Variants in CADM2 observed in about 807,000 individuals in gnomAD.
The protein encoded by CADM2 is cell adhesion molecule 2.
Under a neutral mutation model 49.8 loss-of-function variants are expected in CADM2, and 12 were observed. That is an observed-to-expected ratio of 0.24 (90% CI 0.15 to 0.39). The LOEUF (loss-of-function observed/expected upper bound fraction) is 0.39, where lower values mean the gene tolerates loss of function less well. Among genes scored for constraint, CADM2 ranks in the 10% least tolerant of loss-of-function variants. CADM2 has a pLI of 1.00. For missense variants in CADM2, 378 were observed against 492.3 expected (o/e 0.77, Z 2.20); for synonymous variants, 214 against 175.4 (o/e 1.22, Z -1.74).
At chr3:85,706,948 C>G (rs2066968776) in intron 1 of CADM2, among the ~76,000 whole-genome samples, 1 of 151,980 alleles carries the variant, frequency 6.6e-6, no homozygotes, top group Non-Finnish European at 1.5e-5. Flanking sequence ...TGTACCTATA[C>G]AAGTATAAGT....
At chr3:85,609,800 C>A (rs1255995052) in intron 1 of CADM2, among the ~76,000 whole-genome samples, 1 of 151,926 alleles carries the variant, frequency 6.6e-6, no homozygotes, top group Non-Finnish European at 1.5e-5. Flanking sequence ...AACTGAGGTT[C>A]TAAGTTCATA....
At chr3:85,090,620 C>T (rs777919239) in intron 1 of CADM2, among the ~76,000 whole-genome samples, 9 of 152,160 alleles carry the variant, frequency 5.9e-5, no homozygotes, top group Non-Finnish European at 1.3e-4. Flanking sequence ...TCTGAGAGTG[C>T]TCTAGACCAG....
chr3:85,501,518 T>C (rs975086323), intron 1 of CADM2, among the ~76,000 whole-genome samples: 4 of 152,134 alleles, frequency 2.6e-5, no homozygotes, highest in Non-Finnish European at 5.9e-5. Flanking sequence ...TAAAGAATTG[T>C]AAGAGACCTA....
In CADM2 at chr3:86,066,945, C is replaced by G; in HGVS notation, c.*162C>G. The G allele has an allele frequency of 1.6e-6, 1 of 626,014 alleles. No individual in the cohort carries two copies. Among genetic ancestry groups the G allele is most frequent in the Middle Eastern group, 2.7e-4 (1 of 3,734 alleles). 38.8% of individuals were successfully genotyped at this position (626,014 alleles called of 1,614,324 possible). On this transcript the variant is annotated 3_prime_UTR_variant, in exon 10 of 10. Transcript: ENST00000383699. Reference sequence around the variant, plus strand: ...TATACCAACAATCAGCTGTTGAAAGCATCATTCTTTAATTACTGTACCATC... The same window carrying G: ...TATACCAACAATCAGCTGTTGAAAGGATCATTCTTTAATTACTGTACCATC...
chr3:85,558,108 TGTGA>T (rs1350315453), intron 1 of CADM2, among the ~76,000 whole-genome samples: 3 of 152,028 alleles, frequency 2.0e-5, no homozygotes, highest in Non-Finnish European at 4.4e-5. Context: ...TGTGTGAGTC[TGTGA>T]GTGTGTGTGT....
At chr3:85,275,670 A>G (rs2043340553) in intron 1 of CADM2, among the ~76,000 whole-genome samples, 1 of 151,296 alleles carries the variant, frequency 6.6e-6, no homozygotes, top group Admixed American at 6.6e-5. Flanking sequence ...ATATTTTACA[A>G]AATGTTCTCT....
At chr3:85,066,141 G>C (rs576829179) in intron 1 of CADM2, among the ~76,000 whole-genome samples, 26 of 152,166 alleles carry the variant, frequency 1.7e-4, no homozygotes, top group Non-Finnish European at 2.6e-4. Context: ...AGAGTAGTCT[G>C]GAAAGTAAAT....
At chr3:85,196,573 G>C (rs566132061) in intron 1 of CADM2, among the ~76,000 whole-genome samples, 1 of 152,062 alleles carries the variant, frequency 6.6e-6, no homozygotes, top group East Asian at 1.9e-4. Flanking sequence ...TTAAATAATT[G>C]ATTGATTTAT....
chr3:85,119,314 T>C (rs1045478862), intron 1 of CADM2, among the ~76,000 whole-genome samples: 10 of 152,102 alleles, frequency 6.6e-5, no homozygotes, highest in African/African-American at 2.2e-4. Context: ...GAGCCTGAGG[T>C]GGCATTATTT....
chr3:85,417,034 A>G (rs2035948746), intron 1 of CADM2, among the ~76,000 whole-genome samples: 1 of 152,102 alleles, frequency 6.6e-6, no homozygotes, highest in Non-Finnish European at 1.5e-5. Flanking sequence ...GAGATTCAGC[A>G]TGAGATGATT....
chr3:85,006,869 G>A (rs1233776103), intron 1 of CADM2, among the ~76,000 whole-genome samples: 4 of 152,016 alleles, frequency 2.6e-5, no homozygotes, highest in Non-Finnish European at 5.9e-5. Flanking sequence ...ATGTCCTATA[G>A]TGTCTCTGAA....
chr3:85,783,188 G>A (rs890989433), intron 2 of CADM2, among the ~76,000 whole-genome samples: 2 of 152,032 alleles, frequency 1.3e-5, no homozygotes, highest in Non-Finnish European at 2.9e-5. Context: ...GAAACAACCA[G>A]CATAACCAAG....
intron 1 of CADM2, among the ~76,000 whole-genome samples, chr3:85,621,872 G>C (rs572054683): frequency 1.3e-5 from 2 of 152,248 alleles, no homozygotes; most frequent in African/African-American, 4.8e-5. Context: ...ACGTTTTGTA[G>C]ATGACAAGGT....
Position 85,665,521 on chromosome 3 carries a change from G to T in CADM2, c.62-61001G>T, listed in dbSNP as rs942993976. 6.6e-5 allele frequency among the ~76,000 whole-genome samples: 10 copies of T among 151,990 alleles called. 1 individual carries two copies. In the South Asian group the frequency reaches 1.0e-3, roughly 16 times the overall value. ...AATTTAACTCTTTCAAGTTAAAGTGGATGGCAGAAATTTAACTCTGACATC... is the reference window on the plus strand; with the variant it reads ...AATTTAACTCTTTCAAGTTAAAGTGTATGGCAGAAATTTAACTCTGACATC... On this transcript the variant is annotated intron_variant, in intron 1 of 9. Transcript: ENST00000383699.
intron 1 of CADM2, among the ~76,000 whole-genome samples, chr3:85,191,851 C>A (rs1276678557): frequency 6.6e-6 from 1 of 151,944 alleles, no homozygotes; most frequent in Admixed American, 6.6e-5. Flanking sequence ...TAAACTAATT[C>A]AAAGCCTGTA....
At chr3:85,668,154 A>G (rs1007129194) in intron 1 of CADM2, among the ~76,000 whole-genome samples, 2 of 151,872 alleles carry the variant, frequency 1.3e-5, no homozygotes, top group African/African-American at 2.4e-5. Context: ...GTGGTGGGCA[A>G]TGGTGGAGAT....
intron 6 of CADM2, among the ~76,000 whole-genome samples, chr3:85,924,398 T>A (rs1719552354): frequency 6.6e-6 from 1 of 151,930 alleles, no homozygotes; most frequent in Admixed American, 6.6e-5. Flanking sequence ...GAAACCAGCC[T>A]GGCCAACATG....
At chr3:85,294,482 G>C (rs1293873557) in intron 1 of CADM2, among the ~76,000 whole-genome samples, 1 of 151,946 alleles carries the variant, frequency 6.6e-6, no homozygotes, top group East Asian at 1.9e-4. Context: ...ACATCACCAA[G>C]TCAATCCTAA....
At chr3:85,191,945 T>TTTGTGTGTGTGTG (rs2041218882) in intron 1 of CADM2, among the ~76,000 whole-genome samples, 1 of 148,988 alleles carries the variant, frequency 6.7e-6, no homozygotes. Context: ...GATGAAACAG[T>TTTGTGTGTGTGTG]TGTGTGTGTG....
Sources: gnomAD v4.1 joint callset for allele counts (sites outside exome capture counted in the v4.1 genomes callset) on GRCh38, gnomAD v4.1.1 for gene constraint, MANE v1.5 for transcripts, NCBI Gene and HGNC (gene_info 2026-07-23, HGNC 2026-07-21) for gene names.